The following SAMSN1 variants were observed in gnomAD, a reference collection of about 807,000 sequenced individuals.
SAMSN1 encodes the protein SAM domain, SH3 domain and nuclear localization signals 1, also known as SAM domain-containing protein SAMSN-1.
Under a neutral mutation model 42.0 loss-of-function variants are expected in SAMSN1, and 31 were observed. The ratio of observed to expected loss-of-function variants is 0.74; its 90% CI spans 0.55 to 1.00. The LOEUF (loss-of-function observed/expected upper bound fraction) is 1.00, where lower values mean the gene tolerates loss of function less well. Ranked by LOEUF, SAMSN1 falls within the 50% of genes least tolerant of loss-of-function variation. The probability of loss-of-function intolerance (pLI) is 0.00; values close to 1 mark genes in which losing one functional copy is unlikely to be tolerated. For synonymous variants in SAMSN1, 178 were observed against 151.9 expected, an observed-to-expected ratio of 1.17 and a Z score of -1.26; for missense variants, 464 against 439.4, an observed-to-expected ratio of 1.06 and a Z score of -0.50.
Position 14,528,236 on chromosome 21 carries a change from T to C in SAMSN1, c.58-7015A>G, listed in dbSNP as rs1979005836. On this transcript the variant is annotated intron_variant, in intron 1 of 7. Coordinates refer to ENST00000400566, the MANE Select transcript of SAMSN1 (RefSeq NM_022136.5). ...TACTCACTCCTATAAAATTATGTTA[T>C]TGTGCACTTTCTATTCCTTCTTTCT... Among the ~76,000 whole-genome samples the C allele has an allele frequency of 4.6e-5, 7 of 152,258 alleles. No homozygotes were observed. The South Asian group carries it at 1.0e-3, about 23-fold the overall frequency.
In SAMSN1 at chr21:14,626,535, A is replaced by G. The variant is rs543427119; in HGVS notation, c.157-10519T>C. ...CCAAAAGACACATGAAAAAATGCTCATCACTGGCCATCAGAGAAATGCAAA... is the reference window on the plus strand; with the variant it reads ...CCAAAAGACACATGAAAAAATGCTCGTCACTGGCCATCAGAGAAATGCAAA... On this transcript the variant is annotated intron_variant, in intron 2 of 15. Transcript: ENST00000647101. Among the ~76,000 whole-genome samples, 112 of 152,352 alleles carry G rather than the reference A, an allele frequency of 7.4e-4. 1 individual carries two copies. Among genetic ancestry groups the G allele is most frequent in the African/African-American group, 2.6e-3 (109 of 41,574 alleles).
At chr21:14,554,087 TTACTATAATAAA>T (rs1314370173) in intron 2 of SAMSN1, among the ~76,000 whole-genome samples, 1 of 152,202 alleles carries the variant, frequency 6.6e-6, no homozygotes. Flanking sequence ...TTTCTACTAA[TTACTATAATAAA>T]TACAATAAAT....
upstream of SAMSN1, chr21:14,658,951 A>G (rs901856727): frequency 3.4e-6 from 2 of 582,466 alleles, no homozygotes; most frequent in Non-Finnish European, 6.2e-6. Context: ...TTTGTTGAAC[A>G]AACAATTTCC....
At chr21:14,616,070 A>C in intron 2 of SAMSN1, 1 of 520,482 alleles carries the variant, frequency 1.9e-6, no homozygotes. Flanking sequence ...AAATAAGACA[A>C]AACTATATCA....
At chr21:14,570,270 C>T (rs1011268498) in intron 2 of SAMSN1, among the ~76,000 whole-genome samples, 2 of 152,166 alleles carry the variant, frequency 1.3e-5, no homozygotes, top group Non-Finnish European at 2.9e-5. Context: ...CCTTAATATT[C>T]ATTAGAGATT....
chr21:14,494,996 A>G (rs1255579004), intron 7 of SAMSN1, among the ~76,000 whole-genome samples: 5 of 152,208 alleles, frequency 3.3e-5, no homozygotes, highest in African/African-American at 1.2e-4. Flanking sequence ...AAATCCTTTT[A>G]TGTTCTCAAT....
chr21:14,518,013 C>T (rs949495154), intron 2 of SAMSN1, among the ~76,000 whole-genome samples: 5 of 152,162 alleles, frequency 3.3e-5, no homozygotes, highest in Admixed American at 2.0e-4. Flanking sequence ...TTCTGATACT[C>T]GCTAAAGTTT....
intron 1 of SAMSN1, among the ~76,000 whole-genome samples, chr21:14,654,610 G>T (rs933010305): frequency 2.6e-5 from 4 of 151,972 alleles, no homozygotes; most frequent in African/African-American, 9.7e-5. Flanking sequence ...GCCAACAGCT[G>T]CTAGGGCTCT....
Position 14,546,185 on chromosome 21 carries a change from T to C in SAMSN1, c.57+20A>G, listed in dbSNP as rs1980377134. The C allele has an allele frequency of 1.3e-6, 2 of 1,591,552 alleles. No homozygotes were observed. The highest frequency in any genetic ancestry group is 1.3e-5 in the African/African-American group (1 of 74,536). On this transcript the variant is annotated intron_variant, in intron 1 of 7. Coordinates refer to ENST00000400566, the MANE Select transcript of SAMSN1 (RefSeq NM_022136.5). ...ATTAAATAGTTTGATTTTATTTAAC[T>C]ATGTATGAAATCACCTTACCTTTGG...
chr21:14,547,284 C>T (rs1290698079), upstream of SAMSN1, among the ~76,000 whole-genome samples: 2 of 152,162 alleles, frequency 1.3e-5, no homozygotes, highest in Non-Finnish European at 1.5e-5. Flanking sequence ...ATGCCATATA[C>T]TGATAATTGC....
intron 2 of SAMSN1, among the ~76,000 whole-genome samples, chr21:14,633,840 C>T (rs151008465): frequency 2.0e-4 from 31 of 152,278 alleles, no homozygotes; most frequent in African/African-American, 7.2e-4. Context: ...TAACTCCTGA[C>T]CTTGGCCTCA....
chr21:14,580,186 C>G (rs74441562), intron 2 of SAMSN1, among the ~76,000 whole-genome samples: 1 of 152,188 alleles, frequency 6.6e-6, no homozygotes, highest in African/African-American at 2.4e-5. Context: ...GGCCATCACA[C>G]TGTCACAAAG....
At chr21:14,655,919 T>C (rs1453367556) in intron 1 of SAMSN1, among the ~76,000 whole-genome samples, 1 of 151,852 alleles carries the variant, frequency 6.6e-6, no homozygotes, top group Non-Finnish European at 1.5e-5. Flanking sequence ...ATCAATATAC[T>C]AATAATGTGT....
Position 14,501,572 on chromosome 21 carries a change from G to A in SAMSN1, c.562-837C>T, listed in dbSNP as rs560088756. Among the ~76,000 whole-genome samples, 21 of 152,242 alleles carry A rather than the reference G, an allele frequency of 1.4e-4. 2 individuals carry two copies. In the South Asian group the frequency reaches 4.1e-3, roughly 30 times the overall value. On this transcript the variant is annotated intron_variant, in intron 5 of 7. Coordinates refer to ENST00000400566, the MANE Select transcript of SAMSN1 (RefSeq NM_022136.5). ...CAGGAGGTGCTCCCTAGCTGGGGAA[G>A]GAGATGAAAGAGAAGTCTGTTACTC... is the stretch of plus-strand genomic sequence containing the variant.
chr21:14,543,213 C>G (rs532100617), intron 1 of SAMSN1, among the ~76,000 whole-genome samples: 2 of 152,240 alleles, frequency 1.3e-5, no homozygotes, highest in Non-Finnish European at 2.9e-5. Flanking sequence ...TAGAATATCT[C>G]TGGTCTCTGC....
intron 1 of SAMSN1, among the ~76,000 whole-genome samples, chr21:14,646,925 G>A (rs958106046): frequency 3.9e-5 from 6 of 151,996 alleles, no homozygotes; most frequent in Admixed American, 2.6e-4. Flanking sequence ...GAATATACAA[G>A]AATTAAAAAG....
At chr21:14,554,888 G>T (rs1200363053) in intron 2 of SAMSN1, among the ~76,000 whole-genome samples, 2 of 151,718 alleles carry the variant, frequency 1.3e-5, no homozygotes, top group Non-Finnish European at 2.9e-5. Context: ...TGTAGAGATG[G>T]GTTCTCACTG....
At chr21:14,546,121 C>T (rs1980373300) in intron 1 of SAMSN1, 84 bp downstream of exon 1, 7 of 1,191,802 alleles carry the variant, frequency 5.9e-6, no homozygotes, top group Middle Eastern at 2.7e-4. Flanking sequence ...CAGATGAGAA[C>T]ATTGTATGTG....
intron 2 of SAMSN1, among the ~76,000 whole-genome samples, chr21:14,562,333 A>G (rs73346173): frequency 0.081 from 12,344 of 152,168 alleles, 985 homozygotes; most frequent in African/African-American, 0.21. Flanking sequence ...TCTATGAAAC[A>G]GACAAACAGA....
Sources: allele counts gnomAD v4.1 joint callset (sites outside exome capture counted in the v4.1 genomes callset), GRCh38; gene constraint gnomAD v4.1.1; transcripts MANE v1.5; gene names NCBI Gene and HGNC (gene_info 2026-07-23, HGNC 2026-07-21).